Variants in ACCSL observed in about 807,000 individuals in gnomAD.
ACCSL encodes the protein 1-aminocyclopropane-1-carboxylate synthase homolog (inactive) like.
In ACCSL, 55 loss-of-function variants were observed where a neutral mutation model predicts 61.7. The observed-to-expected ratio is 0.89, with a 90% CI of 0.72 to 1.12. The LOEUF (loss-of-function observed/expected upper bound fraction) is 1.12, where lower values mean the gene tolerates loss of function less well. Ranked by LOEUF, ACCSL falls within the 50% of genes most tolerant of loss-of-function variation. The probability of loss-of-function intolerance (pLI) is 0.00; values close to 1 mark genes in which losing one functional copy is unlikely to be tolerated. For missense variants in ACCSL, 632 were observed against 698.0 expected (o/e 0.91, Z 1.07); for synonymous variants, 258 against 264.3 (o/e 0.98, Z 0.23).
chr11:44,051,361 T>C lies in ACCSL; in HGVS notation c.662T>C (p.Leu221Pro). 6.2e-7 allele frequency: 1 copy of C among 1,614,208 alleles called. No individual in the cohort carries two copies. The change falls in exon 4 of 14, where the codon CTG becomes CCG. Residue 221 changes from leucine to proline, a missense_variant. Transcript: ENST00000378832. ...CTGCGGGAAGAAGTGGCCCGGTTCC[T>C]GACCTACTACTGCAGGGCACCTACC... ...PFLREEVARF[L>P]TYYCRAPTRL...
upstream of ACCSL, among the ~76,000 whole-genome samples, chr11:44,043,132 T>C (rs141212353): frequency 0.016 from 2,390 of 152,298 alleles, 201 homozygotes; most frequent in Admixed American, 0.15. Context: ...CTTAGTTCGC[T>C]ATAGCTACAT....
chr11:43,943,154 C>T, the ACCSL span: 1 of 1,503,948 alleles, frequency 6.6e-7, no homozygotes, highest in African/African-American at 1.4e-5. The surrounding 1 kb of genome is among the most constrained non-coding windows in gnomAD (Gnocchi z 4.8). Flanking sequence ...GAAGTCGTTC[C>T]TGCAGAGCCT....
At chr11:44,035,573 T>C in the ACCSL span, among the ~76,000 whole-genome samples, 1 of 152,094 alleles carries the variant, frequency 6.6e-6, no homozygotes. Context: ...AGTTCCTCTC[T>C]TCAAGATCTT....
At chr11:43,986,875 AC>A in the ACCSL span, among the ~76,000 whole-genome samples, 4 of 152,068 alleles carry the variant, frequency 2.6e-5, no homozygotes, top group African/African-American at 9.7e-5. Flanking sequence ...ACCCCAATAA[AC>A]TTTTGTTAAT....
the ACCSL span, among the ~76,000 whole-genome samples, chr11:44,009,067 C>T: frequency 1.3e-5 from 2 of 152,066 alleles, no homozygotes; most frequent in African/African-American, 4.8e-5. Flanking sequence ...ACCCGGGACG[C>T]TGAGGTGGGA....
At chr11:43,955,834 C>A in the ACCSL span, among the ~76,000 whole-genome samples, 2 of 152,040 alleles carry the variant, frequency 1.3e-5, no homozygotes, top group Non-Finnish European at 2.9e-5. Flanking sequence ...CCTCTTCCTC[C>A]TAGCCTGGTG....
At chr11:43,999,747 T>A in the ACCSL span, among the ~76,000 whole-genome samples, 1 of 152,150 alleles carries the variant, frequency 6.6e-6, no homozygotes, top group Non-Finnish European at 1.5e-5. Flanking sequence ...GAGGCCAAGG[T>A]AAGGTTGGCA....
the ACCSL span, among the ~76,000 whole-genome samples, chr11:44,032,529 G>A: frequency 6.6e-6 from 1 of 152,192 alleles, no homozygotes; most frequent in South Asian, 2.1e-4. Flanking sequence ...AGTGTCTGGG[G>A]TGCCTCAATG....
At chr11:44,051,822 G>A in intron 5 of ACCSL, 103 bp downstream of exon 5, 3 of 1,395,500 alleles carry the variant, frequency 2.1e-6, no homozygotes, top group Non-Finnish European at 3.0e-6. Flanking sequence ...CTGACTCAAG[G>A]CCTTTTCCCC....
chr11:43,988,137 G>A, the ACCSL span, among the ~76,000 whole-genome samples: 1 of 152,066 alleles, frequency 6.6e-6, no homozygotes, highest in East Asian at 1.9e-4. Flanking sequence ...TCTCCTCTCT[G>A]CTTTTAGGGA....
the ACCSL span, among the ~76,000 whole-genome samples, chr11:43,976,089 A>G: frequency 6.6e-6 from 1 of 152,206 alleles, no homozygotes. Context: ...ACAGATTGAG[A>G]AAAATGTATT....
chr11:43,921,692 T>C, the ACCSL span, among the ~76,000 whole-genome samples: 1 of 152,218 alleles, frequency 6.6e-6, no homozygotes, highest in Non-Finnish European at 1.5e-5. Context: ...TCTCCCCGTG[T>C]GGCAGCTGTG....
the ACCSL span, among the ~76,000 whole-genome samples, chr11:44,040,036 G>A: frequency 2.6e-5 from 4 of 152,352 alleles, no homozygotes; most frequent in African/African-American, 9.6e-5. Flanking sequence ...AGGTGGGTTT[G>A]CCAAGGCCAC....
the ACCSL span, among the ~76,000 whole-genome samples, chr11:44,008,564 G>A: frequency 6.6e-6 from 1 of 152,260 alleles, no homozygotes; most frequent in Non-Finnish European, 1.5e-5. Context: ...TAAGCATAGT[G>A]GTTAAGAAGA....
chr11:43,965,079 G>A, the ACCSL span, among the ~76,000 whole-genome samples: 1 of 152,202 alleles, frequency 6.6e-6, no homozygotes, highest in African/African-American at 2.4e-5. Context: ...TGTACTGGAA[G>A]TTCTAGCCAG....
the ACCSL span, among the ~76,000 whole-genome samples, chr11:44,034,691 G>A: frequency 0.058 from 8,889 of 152,164 alleles, 511 homozygotes; most frequent in African/African-American, 0.15. Context: ...CTCCTACCAG[G>A]TGCCTCCTAT....
rs1590432027 is a variant in ACCSL, at chr11:44,055,236, A to G, written c.1084A>G (p.Met362Val). ...ACATGTGATCATAGATGAGATTTAC[A>G]TGCTGTCTGTGTTTGATGAATCCAT... ...NLHVIIDEIY[M>V]LSVFDESITF... Residue 362 changes from methionine to valine, a missense_variant, in exon 9 of 14, where the codon ATG (methionine) becomes GTG (valine). Transcript: ENST00000378832. 3.1e-6 allele frequency: 5 copies of G among 1,612,718 alleles called. No individual in the cohort carries two copies. Among genetic ancestry groups the G allele is most frequent in the East Asian group, 4.5e-5 (2 of 44,854 alleles).
At chr11:44,058,249 T>C in intron 11 of ACCSL, 68 bp from the exon 12 acceptor site, 2 of 1,546,264 alleles carry the variant, frequency 1.3e-6, no homozygotes, top group Non-Finnish European at 1.8e-6. Flanking sequence ...AAGGGAGCAT[T>C]TGGGAAGGAA....
the ACCSL span, among the ~76,000 whole-genome samples, chr11:43,948,869 C>T: frequency 6.6e-6 from 1 of 152,178 alleles, no homozygotes; most frequent in Non-Finnish European, 1.5e-5. Flanking sequence ...AATCTATTGC[C>T]TTCTTTGACT....
Sources: gnomAD v4.1 joint callset for allele counts (sites outside exome capture counted in the v4.1 genomes callset) on GRCh38, gnomAD v4.1.1 for gene constraint, Gnocchi (gnomAD v3.1) non-coding constraint, MANE v1.5 for transcripts, NCBI Gene and HGNC (gene_info 2026-07-23, HGNC 2026-07-21) for gene names.